ESR1: variants seen among roughly 807,000 people sequenced by gnomAD.
ESR1 encodes the protein estrogen receptor 1.
Under a neutral mutation model 52.7 loss-of-function variants are expected in ESR1, and 12 were observed. The observed-to-expected ratio is 0.23, with a 90% CI of 0.15 to 0.37. The LOEUF (loss-of-function observed/expected upper bound fraction) is 0.37, where lower values mean the gene tolerates loss of function less well. ESR1 is among the 10% of genes least tolerant of loss of function. The pLI is 1.00. For missense variants in ESR1, 584 were observed against 779.7 expected, an observed-to-expected ratio of 0.75 and a Z score of 2.99; for synonymous variants, 305 against 316.8, an observed-to-expected ratio of 0.96 and a Z score of 0.39.
At chr6:151,923,822 A>G (rs991405024) in intron 3 of ESR1, among the ~76,000 whole-genome samples, 2 of 152,190 alleles carry the variant, frequency 1.3e-5, no homozygotes, top group African/African-American at 4.8e-5. Flanking sequence ...TTGGGTAAAT[A>G]TCTAGGAATT....
intron 2 of ESR1, among the ~76,000 whole-genome samples, chr6:151,777,397 G>A (rs556938989): frequency 6.6e-6 from 1 of 152,050 alleles, no homozygotes; most frequent in Non-Finnish European, 1.5e-5. Context: ...GAGATTACAG[G>A]TGTGAGCCAC....
At chr6:151,740,387 C>T (rs993144682) in intron 2 of ESR1, among the ~76,000 whole-genome samples, 4 of 149,844 alleles carry the variant, frequency 2.7e-5, no homozygotes, top group African/African-American at 4.9e-5. Flanking sequence ...CTACCTGCCT[C>T]GGCCTCCCAA....
rs2047515684 is a variant in ESR1 at position 152,061,217 on chromosome 6, GTCATAAA to G, written c.1369+95_1369+101del. Reference sequence around the variant, plus strand: ...GATCTACCCACTCCAAAGGCATAATGTCATAAATAGAAAGAAACTACTGACACACGTT... The same window carrying G: ...GATCTACCCACTCCAAAGGCATAATGTAGAAAGAAACTACTGACACACGTT... On this transcript the variant is annotated intron_variant, in intron 6 of 7. Transcript: ENST00000206249. This position sits in a 1 kb window ranked among gnomAD's most constrained non-coding sequence, Gnocchi z 4.3. 8.1e-7 allele frequency: 1 copy of G among 1,229,736 alleles called. No individual in the cohort carries two copies. The highest frequency in any genetic ancestry group is 1.2e-6 in the Non-Finnish European group (1 of 837,992). The allele number at this position is 1,229,736 out of a possible 1,614,324, so 76.2% of individuals were successfully genotyped here.
intron 4 of ESR1, among the ~76,000 whole-genome samples, chr6:151,972,770 G>A (rs3020325): frequency 0.57 from 86,247 of 151,912 alleles, 25,838 homozygotes; most frequent in Middle Eastern, 0.71. Flanking sequence ...GTTGGGTTCC[G>A]CAATAGGCCG....
chr6:151,887,875 G>C (rs1370351114), intron 3 of ESR1, among the ~76,000 whole-genome samples: 1 of 152,132 alleles, frequency 6.6e-6, no homozygotes, highest in Non-Finnish European at 1.5e-5. Flanking sequence ...TACGGCATGA[G>C]ATAAGTGTCC....
At chr6:152,072,794 A>T (rs2048453577) in intron 6 of ESR1, among the ~76,000 whole-genome samples, 1 of 152,254 alleles carries the variant, frequency 6.6e-6, no homozygotes. Flanking sequence ...TGGAATCAAC[A>T]GTTATGGATG....
chr6:152,055,694 T>C (rs2047042449), intron 5 of ESR1, among the ~76,000 whole-genome samples: 1 of 152,168 alleles, frequency 6.6e-6, no homozygotes, highest in African/African-American at 2.4e-5. Flanking sequence ...ACCTTACTAA[T>C]GACTGCCAGA....
At chr6:152,009,046 T>C (rs2042558892) in intron 4 of ESR1, among the ~76,000 whole-genome samples, 1 of 152,102 alleles carries the variant, frequency 6.6e-6, no homozygotes, top group African/African-American at 2.4e-5. Flanking sequence ...GACTAGTTCC[T>C]TTTGACCCAG....
exon 7 of ESR1, chr6:152,126,776 G>C (rs983933760): frequency 2.6e-5 from 4 of 152,218 alleles, no homozygotes; most frequent in Admixed American, 1.3e-4. Flanking sequence ...TCAAAAGAAA[G>C]TGTGTAGGAC....
At chr6:151,842,160 G>A (rs1192698924) in intron 1 of ESR1, among the ~76,000 whole-genome samples, 1 of 152,146 alleles carries the variant, frequency 6.6e-6, no homozygotes, top group African/African-American at 2.4e-5. Context: ...CACATGTTCT[G>A]TGTTGTCCAT....
intron 2 of ESR1, among the ~76,000 whole-genome samples, chr6:151,765,541 AT>A (rs975242827): frequency 2.0e-5 from 3 of 152,094 alleles, no homozygotes; most frequent in East Asian, 1.9e-4. Context: ...TGCTATTGCT[AT>A]TTTTTTTCCT....
intron 5 of ESR1, among the ~76,000 whole-genome samples, chr6:152,013,584 CA>C (rs1385511111): frequency 3.3e-5 from 5 of 152,076 alleles, no homozygotes; most frequent in Admixed American, 6.6e-5. Context: ...GGACAGTCAT[CA>C]AATAATTGCA....
At chr6:151,790,391 T>C (rs1245065827) in intron 2 of ESR1, among the ~76,000 whole-genome samples, 8 of 152,192 alleles carry the variant, frequency 5.3e-5, no homozygotes, top group African/African-American at 1.9e-4. Flanking sequence ...CATGAATCAA[T>C]ACTTCCAAGG....
At chr6:151,960,666 G>C (rs1004425182) in intron 4 of ESR1, among the ~76,000 whole-genome samples, 1 of 152,224 alleles carries the variant, frequency 6.6e-6, no homozygotes, top group Non-Finnish European at 1.5e-5. Flanking sequence ...TGAAGGAAAT[G>C]AGGACTCATT....
intron 3 of ESR1, among the ~76,000 whole-genome samples, chr6:151,907,089 C>T (rs1052958716): frequency 6.6e-6 from 1 of 151,954 alleles, no homozygotes; most frequent in Admixed American, 6.6e-5. Context: ...GAGCTCTCTT[C>T]ACTATTTCTT....
intron 2 of ESR1, among the ~76,000 whole-genome samples, chr6:151,785,100 C>T (rs895170769): frequency 6.6e-6 from 1 of 152,266 alleles, no homozygotes; most frequent in Non-Finnish European, 1.5e-5. Flanking sequence ...AATACCTTCA[C>T]TACAACATCT....
At chr6:151,956,721 T>G (rs1338368703) in intron 4 of ESR1, among the ~76,000 whole-genome samples, 1 of 150,998 alleles carries the variant, frequency 6.6e-6, no homozygotes, top group Non-Finnish European at 1.5e-5. Context: ...ATTATTTGAC[T>G]TTCTTTTCCA....
chr6:151,747,738 C>A (rs1344403852), intron 2 of ESR1, among the ~76,000 whole-genome samples: 2 of 152,122 alleles, frequency 1.3e-5, no homozygotes, highest in Non-Finnish European at 1.5e-5. Flanking sequence ...ATACAATATG[C>A]GGTCTTTTGC....
intron 5 of ESR1, among the ~76,000 whole-genome samples, chr6:152,060,726 A>T (rs1347017356): frequency 6.6e-6 from 1 of 152,240 alleles, no homozygotes; most frequent in African/African-American, 2.4e-5. Context: ...CTCCATATTT[A>T]ACATGGCAGA....
Sources: allele counts gnomAD v4.1 joint callset (sites outside exome capture counted in the v4.1 genomes callset), GRCh38; gene constraint gnomAD v4.1.1; non-coding constraint Gnocchi (gnomAD v3.1); transcripts MANE v1.5; gene names NCBI Gene and HGNC (gene_info 2026-07-23, HGNC 2026-07-21).